The following BCL2L1 variants were observed in gnomAD, a reference collection of about 807,000 sequenced individuals.
The protein encoded by BCL2L1 is BCL2 like 1, also known as bcl-2-like protein 1.
A neutral mutation model predicts 18.7 loss-of-function variants in BCL2L1; 1 was observed. That is an observed-to-expected ratio of 0.05 (90% CI 0.02 to 0.25). BCL2L1 has a LOEUF of 0.25. Among genes scored for constraint, BCL2L1 ranks in the 10% least tolerant of loss-of-function variants. The pLI, the probability that BCL2L1 is intolerant of heterozygous loss-of-function variation, is 1.00. For missense variants in BCL2L1, 207 were observed against 304.9 expected, an observed-to-expected ratio of 0.68 and a Z score of 2.39; for synonymous variants, 103 against 122.7, an observed-to-expected ratio of 0.84 and a Z score of 1.06.
At chr20:31,716,603 G>T (rs1396631060) in intron 2 of BCL2L1, 2 of 152,284 alleles carry the variant, frequency 1.3e-5, no homozygotes, top group East Asian at 3.9e-4. Context: ...GAAATTTAGT[G>T]GGTTTCTCTT....
intron 2 of BCL2L1, among the ~76,000 whole-genome samples, chr20:31,679,167 C>T (rs1487476421): frequency 6.6e-6 from 1 of 152,098 alleles, no homozygotes; most frequent in Non-Finnish European, 1.5e-5. Flanking sequence ...CAGTAAGATG[C>T]CTGAGATGGT....
intron 2 of BCL2L1, among the ~76,000 whole-genome samples, chr20:31,681,929 C>T (rs984916757): frequency 7.9e-5 from 12 of 152,234 alleles, no homozygotes; most frequent in African/African-American, 2.9e-4. Flanking sequence ...AGAGACAGTG[C>T]AGCAAAGGGA....
At chr20:31,704,351 C>T (rs1030909162) in intron 2 of BCL2L1, among the ~76,000 whole-genome samples, 1 of 148,848 alleles carries the variant, frequency 6.7e-6, no homozygotes, top group Admixed American at 6.7e-5. Flanking sequence ...CCACCCACCT[C>T]GGCCTCCCAA....
chr20:31,676,911 C>G (rs972579760), intron 2 of BCL2L1, among the ~76,000 whole-genome samples: 7 of 152,200 alleles, frequency 4.6e-5, no homozygotes, highest in Admixed American at 2.0e-4. Flanking sequence ...TGTCAGGGAG[C>G]TGATGCTCGT....
At chr20:31,706,853 G>A (rs118037841) in intron 2 of BCL2L1, among the ~76,000 whole-genome samples, 366 of 152,296 alleles carry the variant, frequency 2.4e-3, no homozygotes, top group Non-Finnish European at 4.1e-3. Flanking sequence ...TAGCCCATGA[G>A]GGAGGCAAGG....
chr20:31,696,660 C>G (rs1010790862), intron 2 of BCL2L1, among the ~76,000 whole-genome samples: 1 of 152,186 alleles, frequency 6.6e-6, no homozygotes, highest in African/African-American at 2.4e-5. Flanking sequence ...CGCCTGTAAT[C>G]GCAGCACTTT....
chr20:31,677,920 C>T (rs898573377), intron 2 of BCL2L1, among the ~76,000 whole-genome samples: 1 of 152,162 alleles, frequency 6.6e-6, no homozygotes. Flanking sequence ...GAGTGTTGGA[C>T]AGAGAGGAGG....
rs752845959 is a variant in BCL2L1, at chr20:31,722,118, CTGT to C, written c.98_100del (p.Asn33del). 3.2e-6 allele frequency: 5 copies of C among 1,554,340 alleles called. No homozygotes were observed. Among genetic ancestry groups the C allele is most frequent in the Non-Finnish European group, 4.3e-6 (5 of 1,153,116 alleles). ...TTCAGTCCCTTCTGGGGCCTCAGTCCTGTTCTCTTCCACATCACTAAACTGACT... is the reference window on the plus strand; with the variant it reads ...TTCAGTCCCTTCTGGGGCCTCAGTCCTCTCTTCCACATCACTAAACTGACT... On this transcript the variant is annotated inframe_deletion, in exon 2 of 3. Coordinates refer to ENST00000307677, the MANE Select transcript of BCL2L1 (RefSeq NM_138578.3).
At chr20:31,679,661 T>C (rs2060824608) in intron 2 of BCL2L1, among the ~76,000 whole-genome samples, 1 of 152,218 alleles carries the variant, frequency 6.6e-6, no homozygotes, top group Non-Finnish European at 1.5e-5. Flanking sequence ...GTTGTTATTA[T>C]TATCGTTATT....
intron 2 of BCL2L1, among the ~76,000 whole-genome samples, chr20:31,703,936 T>C (rs1199801808): frequency 6.6e-6 from 1 of 151,048 alleles, no homozygotes; most frequent in Non-Finnish European, 1.5e-5. Flanking sequence ...TAGCCGGGAC[T>C]ATAGGCCCAC....
intron 2 of BCL2L1, among the ~76,000 whole-genome samples, chr20:31,691,591 G>A (rs6142478): frequency 2.0e-5 from 3 of 151,274 alleles, no homozygotes; most frequent in South Asian, 2.1e-4. Flanking sequence ...GGTGGCGCCC[G>A]GCGAACAAAT....
Position 31,673,606 on chromosome 20 carries a change from G to T in BCL2L1, c.565-7520C>A, listed in dbSNP as rs117580728. ...TCAGGGCTGCATTGAATCATGTTTG[G>T]GGCCACTGTACTCCAGCCTGGGCAA... On this transcript the variant is annotated intron_variant, in intron 2 of 2. Coordinates refer to ENST00000307677, the MANE Select transcript of BCL2L1 (RefSeq NM_138578.3). Among the ~76,000 whole-genome samples the T allele has an allele frequency of 4.9e-3, 749 of 151,866 alleles. 4 individuals carry two copies. Among genetic ancestry groups the T allele is most frequent in the Non-Finnish European group, 8.9e-3 (602 of 67,930 alleles).
At chr20:31,715,056 C>T (rs1422567728) in intron 2 of BCL2L1, among the ~76,000 whole-genome samples, 3 of 152,078 alleles carry the variant, frequency 2.0e-5, no homozygotes. Context: ...GGGCGGATCA[C>T]GAGGTCAGGA....
intron 2 of BCL2L1, chr20:31,720,201 A>G: frequency 3.1e-6 from 3 of 969,370 alleles, no homozygotes; most frequent in Non-Finnish European, 3.7e-6. Context: ...ACGAGTTGAA[A>G]TTGCAAAGAA....
chr20:31,692,356 T>C (rs938363462), intron 2 of BCL2L1, among the ~76,000 whole-genome samples: 4 of 152,216 alleles, frequency 2.6e-5, no homozygotes, highest in Admixed American at 1.3e-4. Flanking sequence ...GCTTGAGACA[T>C]GATCATATAA....
intron 2 of BCL2L1, among the ~76,000 whole-genome samples, chr20:31,701,636 G>A (rs781492170): frequency 2.0e-5 from 3 of 152,156 alleles, no homozygotes; most frequent in Non-Finnish European, 4.4e-5. Context: ...TCTTTTAAGT[G>A]GTACAGTGGT....
At chr20:31,720,914 C>A (rs2061614010) in intron 2 of BCL2L1, 2 of 985,320 alleles carry the variant, frequency 2.0e-6, no homozygotes, top group Non-Finnish European at 1.2e-6. Context: ...GCTCCCCAAC[C>A]GACCCCAGGC....
At chr20:31,670,995 G>A (rs2060660148) in intron 2 of BCL2L1, among the ~76,000 whole-genome samples, 1 of 152,200 alleles carries the variant, frequency 6.6e-6, no homozygotes, top group Non-Finnish European at 1.5e-5. Context: ...AGGGGATGAG[G>A]TTTAAGAGTG....
chr20:31,723,912 C>A, upstream of BCL2L1: 4 of 985,446 alleles, frequency 4.1e-6, no homozygotes, highest in Non-Finnish European at 4.8e-6. Flanking sequence ...GCCTCAGTTT[C>A]CCCTGAAGAG....
Sources: gnomAD v4.1 joint callset for allele counts (sites outside exome capture counted in the v4.1 genomes callset) on GRCh38, gnomAD v4.1.1 for gene constraint, MANE v1.5 for transcripts, NCBI Gene and HGNC (gene_info 2026-07-23, HGNC 2026-07-21) for gene names.